Variants in PDE4DIP observed in about 807,000 individuals in gnomAD.
PDE4DIP encodes myomegalin.
A neutral mutation model predicts 221.4 loss-of-function variants in PDE4DIP; 59 were observed. The observed-to-expected ratio is 0.27, with a 90% CI of 0.22 to 0.33. The LOEUF (loss-of-function observed/expected upper bound fraction) is 0.33. Ranked by LOEUF, PDE4DIP falls within the 10% of genes least tolerant of loss-of-function variation. The probability of loss-of-function intolerance (pLI) is 1.00; values close to 1 mark genes in which losing one functional copy is unlikely to be tolerated. For missense variants in PDE4DIP, 1,036 were observed against 2,154.2 expected (o/e 0.48, Z 10.28); for synonymous variants, 404 against 815.9 (o/e 0.50, Z 8.60).
intron 5 of PDE4DIP, among the ~76,000 whole-genome samples, chr1:148,959,427 G>A (rs2056285720): frequency 6.6e-6 from 1 of 152,024 alleles, no homozygotes; most frequent in African/African-American, 2.4e-5. Flanking sequence ...GGGATTTAAG[G>A]TAAGCTGTAA....
chr1:148,999,997 T>G (rs2065237015), intron 23 of PDE4DIP, among the ~76,000 whole-genome samples: 2 of 152,004 alleles, frequency 1.3e-5, no homozygotes, highest in East Asian at 3.9e-4. Flanking sequence ...ACATGCGCCC[T>G]CTTTATCCCC....
At position 148,964,596 on chromosome 1, in the gene PDE4DIP, T is replaced by A. The variant is rs143469357; in HGVS notation, c.1195-888T>A. Among the ~76,000 whole-genome samples the A allele has an allele frequency of 9.0e-3, 1,313 of 145,314 alleles. 21 individuals carry two copies. Among genetic ancestry groups the A allele is most frequent in the African/African-American group, 0.032 (1,261 of 38,894 alleles). On this transcript the variant is annotated intron_variant, in intron 9 of 43. Coordinates refer to ENST00000369354, the Ensembl canonical transcript of PDE4DIP. ...ATCAAATATTAGCCCTGAATTTCCT[T>A]TTGAAATATTAAAATTTTGGCTGGG...
At chr1:148,995,980 T>C (rs1347014441) in intron 22 of PDE4DIP, among the ~76,000 whole-genome samples, 3 of 151,232 alleles carry the variant, frequency 2.0e-5, no homozygotes, top group East Asian at 1.9e-4. Flanking sequence ...GATGGAAATA[T>C]GAAAACCCAA....
intron 5 of PDE4DIP, among the ~76,000 whole-genome samples, chr1:148,938,795 A>T (rs2477086): frequency 0.35 from 52,111 of 149,392 alleles, 9,352 homozygotes; most frequent in East Asian, 0.73. Context: ...CCAAAAAAAA[A>T]TTTTTTTTTT....
chr1:148,967,948 T>A, intron 13 of PDE4DIP, 43 bp downstream of exon 16: 1 of 830,408 alleles, frequency 1.2e-6, no homozygotes, highest in Non-Finnish European at 2.0e-6. Context: ...TCAGTGATTA[T>A]GTAATCTCAG....
intron 31 of PDE4DIP, 35 bp downstream of exon 34, chr1:149,010,630 C>T (rs1383744677): frequency 6.2e-7 from 1 of 1,606,730 alleles, no homozygotes; most frequent in African/African-American, 1.3e-5. Flanking sequence ...AGCTTCATCT[C>T]CTCTTTCTCT....
Position 148,978,272 on chromosome 1 carries a change from T to C in PDE4DIP, c.2437-6T>C. ...TTCACATCCATACTTATTTTTTGAC[T>C]TCTAGGACCTGCAAATGCAACTGGT... On this transcript the variant is annotated splice_region_variant and splice_polypyrimidine_tract_variant and intron_variant, in intron 18 of 43. Coordinates refer to ENST00000369354, the Ensembl canonical transcript of PDE4DIP. 3.8e-6 allele frequency: 6 copies of C among 1,594,732 alleles called. No homozygotes were observed. Among genetic ancestry groups the C allele is most frequent in the Non-Finnish European group, 5.1e-6 (6 of 1,167,750 alleles).
chr1:148,890,766 A>G (rs1698275024), intron 1 of PDE4DIP, among the ~76,000 whole-genome samples: 1 of 103,532 alleles, frequency 9.7e-6, no homozygotes, highest in Non-Finnish European at 1.8e-5. Flanking sequence ...AAAAAAAAAA[A>G]AAAAAAAAAA....
At position 148,999,490 on chromosome 1, in the gene PDE4DIP, C is replaced by T. The variant is rs1194796735; in HGVS notation, c.3137+1115C>T. ...TGACTTGCTCAAGGTTGCATAATAT[C>T]TGTGGCTCCCAATTTCTAACGTCTA... On this transcript the variant is annotated intron_variant, in intron 23 of 43. Transcript: ENST00000369354. Among the ~76,000 whole-genome samples the T allele has an allele frequency of 2.6e-5, 4 of 152,356 alleles. No individual in the cohort carries two copies. The East Asian group carries it at 5.8e-4, about 22-fold the overall frequency.
In PDE4DIP at chr1:148,999,934, GT is replaced by G. The variant is rs66922073; in HGVS notation, c.3137+1567del. Among the ~76,000 whole-genome samples, 162 of 149,684 alleles carry G rather than the reference GT, an allele frequency of 1.1e-3. 4 individuals carry two copies. Among genetic ancestry groups the G allele is most frequent in the Admixed American group, 8.5e-3 (128 of 15,054 alleles). On this transcript the variant is annotated intron_variant, in intron 23 of 43. Transcript: ENST00000369354. ...TATTTGTTTGTATTTAAAAATATCAGTTTTTTTTAATATGAAGTTAGAACAT... is the reference window on the plus strand; with the variant it reads ...TATTTGTTTGTATTTAAAAATATCAGTTTTTTTAATATGAAGTTAGAACAT...
chr1:148,979,654 G>A, intron 19 of PDE4DIP, 83 bp from the exon 23 acceptor site: 1 of 1,268,726 alleles, frequency 7.9e-7, no homozygotes, highest in Non-Finnish European at 1.1e-6. Context: ...TTAAGTCATA[G>A]TACATGCTAA....
intron 4 of PDE4DIP, among the ~76,000 whole-genome samples, chr1:148,936,884 T>C (rs1275873596): frequency 5.3e-5 from 8 of 152,050 alleles, no homozygotes; most frequent in Non-Finnish European, 1.2e-4. Flanking sequence ...TCATCTCCTA[T>C]GATAACAATG....
At chr1:148,822,459 A>G (rs1457543226) in intron 1 of PDE4DIP, among the ~76,000 whole-genome samples, 4 of 148,774 alleles carry the variant, frequency 2.7e-5, no homozygotes, top group African/African-American at 9.9e-5. Context: ...TGAACTGGGC[A>G]TATGAGGGAT....
intron 20 of PDE4DIP, 141 bp downstream of exon 23, chr1:148,979,990 G>T: frequency 1.7e-6 from 2 of 1,151,184 alleles, no homozygotes; most frequent in South Asian, 1.5e-5. Flanking sequence ...CAATTACCGG[G>T]GCTACCCACT....
At chr1:149,018,224 C>A in intron 34 of PDE4DIP, 1 of 404,648 alleles carries the variant, frequency 2.5e-6, no homozygotes, top group East Asian at 4.6e-5. Flanking sequence ...TGGCCTTTCT[C>A]CTTACACTCT....
intron 14 of PDE4DIP, among the ~76,000 whole-genome samples, chr1:148,971,809 G>A (rs1274227001): frequency 6.6e-6 from 1 of 150,508 alleles, no homozygotes; most frequent in Non-Finnish European, 1.5e-5. Flanking sequence ...GAGTGAAAAG[G>A]AATCCACCCC....
chr1:148,838,765 A>C, intron 1 of PDE4DIP, among the ~76,000 whole-genome samples: 1 of 85,306 alleles, frequency 1.2e-5, no homozygotes, highest in East Asian at 2.9e-4. Context: ...CCTCCCATTC[A>C]TTGGGCACCT....
intron 22 of PDE4DIP, among the ~76,000 whole-genome samples, chr1:148,996,330 A>G: frequency 6.6e-6 from 1 of 152,210 alleles, no homozygotes; most frequent in Non-Finnish European, 1.5e-5. Flanking sequence ...ATAGAATGAC[A>G]ACATCACATA....
rs1573816081 is a variant in PDE4DIP, at chr1:148,937,466, C to T, written c.519-281C>T. 3.9e-5 allele frequency among the ~76,000 whole-genome samples: 6 copies of T among 152,100 alleles called. No homozygotes were observed. The South Asian group carries it at 1.2e-3, about 31-fold the overall frequency. On this transcript the variant is annotated intron_variant, in intron 4 of 43. Transcript: ENST00000369354. The stretch of plus-strand genomic sequence containing the variant: ...CACCACCACCAAAAAATTCTAGGCC[C>T]TTATTCCAAGAGTTAAATTCCTATG...
Sources: allele counts gnomAD v4.1 joint callset (sites outside exome capture counted in the v4.1 genomes callset), GRCh38; gene constraint gnomAD v4.1.1; transcripts MANE v1.5; gene names NCBI Gene and HGNC (gene_info 2026-07-23, HGNC 2026-07-21).